The following MOXD1 variants were observed in gnomAD, a reference collection of about 807,000 sequenced individuals.
The protein encoded by MOXD1 is monooxygenase DBH like 1.
Under a neutral mutation model 66.6 loss-of-function variants are expected in MOXD1, and 62 were observed. That is an observed-to-expected ratio of 0.93 (90% CI 0.76 to 1.15). The LOEUF (loss-of-function observed/expected upper bound fraction) is 1.15, where lower values mean the gene tolerates loss of function less well. Among genes scored for constraint, MOXD1 ranks in the 50% most tolerant of loss-of-function variants. The pLI, the probability that MOXD1 is intolerant of heterozygous loss-of-function variation, is 0.00. For synonymous variants in MOXD1, 303 were observed against 281.9 expected, an observed-to-expected ratio of 1.07 and a Z score of -0.75; for missense variants, 847 against 754.6, an observed-to-expected ratio of 1.12 and a Z score of -1.44.
At chr6:132,346,196 T>G (rs1775666254) in intron 4 of MOXD1, among the ~76,000 whole-genome samples, 1 of 152,116 alleles carries the variant, frequency 6.6e-6, no homozygotes, top group African/African-American at 2.4e-5. Flanking sequence ...AACTTAGGTT[T>G]TTACTTAGTA....
At chr6:132,311,441 G>T (rs1774828421) in intron 10 of MOXD1, among the ~76,000 whole-genome samples, 1 of 151,404 alleles carries the variant, frequency 6.6e-6, no homozygotes, top group Non-Finnish European at 1.5e-5. Context: ...AATACTTGGT[G>T]GTTTAGAAAG....
chr6:132,304,838 C>A (rs1383900381), intron 10 of MOXD1, among the ~76,000 whole-genome samples: 2 of 152,092 alleles, frequency 1.3e-5, no homozygotes, highest in African/African-American at 4.8e-5. Flanking sequence ...ATGCAAAATA[C>A]TGAAAATACA....
In MOXD1 at chr6:132,359,943, C is replaced by CA. The variant is rs201619694; in HGVS notation, c.663+12664dup. Among the ~76,000 whole-genome samples, 670 of 152,226 alleles carry CA rather than the reference C, an allele frequency of 4.4e-3. 5 individuals are homozygous for CA. The highest frequency in any genetic ancestry group is 0.014 in the African/African-American group (567 of 41,550). On this transcript the variant is annotated intron_variant, in intron 4 of 11. Coordinates refer to ENST00000367963, the MANE Select transcript of MOXD1 (RefSeq NM_015529.4). ...TGGTATGGTTAAGGTATTCTCTGAT[C>CA]AAAAAATCCATTTATCCTGACAACA...
Position 132,296,958 on chromosome 6 carries a change from T to A in MOXD1, c.*195A>T. On this transcript the variant is annotated 3_prime_UTR_variant, in exon 12 of 12. Transcript: ENST00000367963. The stretch of plus-strand genomic sequence containing the variant: ...TTTTATTGACCATGTATATATAACA[T>A]CAGATATTTCTAAGAAAGAGAAGAG... 2.0e-6 allele frequency: 1 copy of A among 506,356 alleles called. No homozygotes were observed. The highest frequency in any genetic ancestry group is 3.8e-5 in the South Asian group (1 of 26,318). The allele number at this position is 506,356 out of a possible 1,614,324, so 31.4% of individuals were successfully genotyped here.
At chr6:132,308,513 C>T (rs1774748574) in intron 10 of MOXD1, among the ~76,000 whole-genome samples, 1 of 152,182 alleles carries the variant, frequency 6.6e-6, no homozygotes, top group African/African-American at 2.4e-5. Flanking sequence ...CTCCCTAACT[C>T]ATTTTATGAA....
At chr6:132,361,614 T>TATC (rs1445994954) in intron 4 of MOXD1, among the ~76,000 whole-genome samples, 1 of 152,160 alleles carries the variant, frequency 6.6e-6, no homozygotes, top group East Asian at 1.9e-4. Context: ...AGAGGGTTTA[T>TATC]ATCAGAGTCA....
At chr6:132,332,318 G>A (rs942858276) in intron 4 of MOXD1, among the ~76,000 whole-genome samples, 1 of 152,018 alleles carries the variant, frequency 6.6e-6, no homozygotes, top group Non-Finnish European at 1.5e-5. Context: ...GATCACGGGA[G>A]GAGAGGATAA....
intron 4 of MOXD1, among the ~76,000 whole-genome samples, chr6:132,334,503 C>A (rs1775396660): frequency 6.6e-6 from 1 of 152,212 alleles, no homozygotes; most frequent in African/African-American, 2.4e-5. Context: ...TTCTCATCCT[C>A]CACTAAGGAC....
In MOXD1 at chr6:132,348,450, C is replaced by T. The variant is rs138632273; in HGVS notation, c.664-19856G>A. The stretch of plus-strand genomic sequence containing the variant: ...GATCAAGGTGGGTCCCAAGGACAAA[C>T]GCAAGGGTCATTAGTCTTACAAGTC... On this transcript the variant is annotated intron_variant, in intron 4 of 11. Coordinates refer to ENST00000367963, the MANE Select transcript of MOXD1 (RefSeq NM_015529.4). Among the ~76,000 whole-genome samples, 262 of 152,276 alleles carry T rather than the reference C, an allele frequency of 1.7e-3. 1 individual carries two copies. Among genetic ancestry groups the T allele is most frequent in the Middle Eastern group, 3.4e-3 (1 of 294 alleles).
In MOXD1 at chr6:132,297,033, G is replaced by T; in HGVS notation, c.*120C>A. ...ACATGGAAAGGAAAAAGGAGGGAGG[G>T]AAAATGGGGAAGAAAAGTCTCCACA... is the stretch of plus-strand genomic sequence containing the variant. On this transcript the variant is annotated 3_prime_UTR_variant, in exon 12 of 12. Coordinates refer to ENST00000367963, the MANE Select transcript of MOXD1 (RefSeq NM_015529.4). 1.0e-6 allele frequency: 1 copy of T among 986,150 alleles called. No individual in the cohort carries two copies. Among genetic ancestry groups the T allele is most frequent in the Non-Finnish European group, 1.5e-6 (1 of 676,216 alleles). 61.1% of individuals were successfully genotyped at this position (986,150 alleles called of 1,614,324 possible).
chr6:132,378,435 T>C (rs1329780100), intron 1 of MOXD1, among the ~76,000 whole-genome samples: 2 of 152,078 alleles, frequency 1.3e-5, no homozygotes, highest in African/African-American at 4.8e-5. Flanking sequence ...GCATGAGAGC[T>C]CCCATTTTCA....
chr6:132,322,702 T>G lies in MOXD1; in HGVS notation c.1282A>C (p.Lys428Gln). 6.2e-7 allele frequency: 1 copy of G among 1,613,894 alleles called. No homozygotes were observed. The highest frequency in any genetic ancestry group is 2.2e-5 in the East Asian group (1 of 44,872). Residue 428 changes from lysine to glutamine, a missense_variant, in exon 8 of 12, where the codon AAG (lysine) becomes CAG (glutamine). Lys to Gln is a moderately conservative substitution (Grantham distance 53, BLOSUM62 1). Coordinates refer to ENST00000367963, the MANE Select transcript of MOXD1 (RefSeq NM_015529.4). ...DFNFQEFQYL[K>Q]EEQTILPGDN... is the part of the protein sequence containing the mutation. The stretch of plus-strand genomic sequence containing the variant: ...ACTGGTAAGATTGTTTGTTCTTCCT[T>G]TAGATACTGAAACTCCTGGAAATTG...
rs181433639 is a variant in MOXD1 at position 132,376,781 on chromosome 6, G to A, written c.265-2004C>T. ...GCCCGCCTCGGCCTCCCAAAGTGCT[G>A]GGATTACAGGCGTGAGCCACCGCGC... On this transcript the variant is annotated intron_variant, in intron 1 of 11. Coordinates refer to ENST00000367963, the MANE Select transcript of MOXD1 (RefSeq NM_015529.4). Among the ~76,000 whole-genome samples, 235 of 60,944 alleles carry A rather than the reference G, an allele frequency of 3.9e-3. 102 individuals carry two copies. In the East Asian group the frequency reaches 0.33, roughly 85 times the overall value. The allele number at this position is 60,944 out of a possible 152,430, so 40.0% of individuals were successfully genotyped here.
rs1774412763 is a variant in MOXD1, at chr6:132,296,893, C to T, written c.*260G>A. The stretch of plus-strand genomic sequence containing the variant: ...ATTCTTTTATTCCCACATGACAGCC[C>T]AATTTTTTAAAATGGTTATCTTAAG... On this transcript the variant is annotated 3_prime_UTR_variant, in exon 12 of 12. Transcript: ENST00000367963. 3.5e-6 allele frequency: 1 copy of T among 285,252 alleles called. No individual in the cohort carries two copies. The highest frequency in any genetic ancestry group is 6.5e-6 in the Non-Finnish European group (1 of 154,700). The allele number at this position is 285,252 out of a possible 1,614,324, so 17.7% of individuals were successfully genotyped here.
chr6:132,300,441 A>G (rs12192134), intron 10 of MOXD1, among the ~76,000 whole-genome samples: 1 of 152,194 alleles, frequency 6.6e-6, no homozygotes, highest in Non-Finnish European at 1.5e-5. Context: ...AAAATGCCTA[A>G]TTTGAAAAAG....
chr6:132,299,739 T>C (rs1774488740), intron 10 of MOXD1, among the ~76,000 whole-genome samples: 1 of 152,144 alleles, frequency 6.6e-6, no homozygotes, highest in South Asian at 2.1e-4. Context: ...CCATGGACCT[T>C]GCAGGAAATT....
At chr6:132,378,658 A>G (rs1776443683) in intron 1 of MOXD1, among the ~76,000 whole-genome samples, 3 of 152,148 alleles carry the variant, frequency 2.0e-5, no homozygotes, top group African/African-American at 7.2e-5. Flanking sequence ...CCTTTAGATG[A>G]GAAACAAAGT....
In MOXD1 at chr6:132,372,663, T is replaced by A; in HGVS notation, c.608A>T (p.Tyr203Phe). The change falls in exon 4 of 12, where the codon TAT becomes TTT. Residue 203 changes from tyrosine to phenylalanine, a missense_variant. By Grantham distance (22) the Tyr-to-Phe change is conservative (BLOSUM62 3). Coordinates refer to ENST00000367963, the MANE Select transcript of MOXD1 (RefSeq NM_015529.4). ...AGGAATCTTAAACATTTGGCACCAA[T>A]ATGTTGTATCTTTGTTTGGGATGGG... is the stretch of plus-strand genomic sequence containing the variant. Reference protein sequence around the residue: ...DVPIPNKDTTYWCQMFKIPVF... With the variant: ...DVPIPNKDTTFWCQMFKIPVF... The A allele has an allele frequency of 6.2e-7, 1 of 1,613,980 alleles. No individual in the cohort carries two copies. Among genetic ancestry groups the A allele is most frequent in the Non-Finnish European group, 8.5e-7 (1 of 1,179,878 alleles).
chr6:132,359,548 G>A lies in MOXD1; in HGVS notation c.663+13060C>T, dbSNP rs532768898. Reference sequence around the variant, plus strand: ...GTCGCCCAGGCTGGAGTGCAGTGGCGCGATCTCGGCTCACTGCAAGCTCCG... The same window carrying A: ...GTCGCCCAGGCTGGAGTGCAGTGGCACGATCTCGGCTCACTGCAAGCTCCG... On this transcript the variant is annotated intron_variant, in intron 4 of 11. Coordinates refer to ENST00000367963, the MANE Select transcript of MOXD1 (RefSeq NM_015529.4). Among the ~76,000 whole-genome samples, 244 of 148,234 alleles carry A rather than the reference G, an allele frequency of 1.6e-3. 2 individuals are homozygous for A. The highest frequency in any genetic ancestry group is 5.9e-3 in the African/African-American group (234 of 39,944).
Sources: allele counts gnomAD v4.1 joint callset (sites outside exome capture counted in the v4.1 genomes callset), GRCh38; gene constraint gnomAD v4.1.1; transcripts MANE v1.5; gene names NCBI Gene and HGNC (gene_info 2026-07-23, HGNC 2026-07-21).